The following ZEB2 variants were observed in gnomAD, a reference collection of about 807,000 sequenced individuals.
The protein encoded by ZEB2 is zinc finger E-box-binding homeobox 2.
ZEB2 carries 6 observed loss-of-function variants against 99.9 expected under a neutral mutation model. That is an observed-to-expected ratio of 0.06 (90% CI 0.03 to 0.12). The LOEUF is 0.12. ZEB2 is among the 10% of genes least tolerant of loss of function. ZEB2 has a pLI of 1.00. For synonymous variants in ZEB2, 517 were observed against 542.5 expected, an observed-to-expected ratio of 0.95 and a Z score of 0.65; for missense variants, 969 against 1,502.8, an observed-to-expected ratio of 0.64 and a Z score of 5.87.
At chr2:144,425,557 C>T (rs1703681286) in intron 3 of ZEB2, among the ~76,000 whole-genome samples, 1 of 152,084 alleles carries the variant, frequency 6.6e-6, no homozygotes. Context: ...ACATATATAA[C>T]AACAGCTCAG....
chr2:144,464,907 T>C (rs1004244900), intron 2 of ZEB2, among the ~76,000 whole-genome samples: 1 of 152,164 alleles, frequency 6.6e-6, no homozygotes, highest in Non-Finnish European at 1.5e-5. Context: ...GATAAATGTG[T>C]TTACCTTTGA....
intron 4 of ZEB2, among the ~76,000 whole-genome samples, chr2:144,406,662 A>G (rs1030498458): frequency 1.3e-5 from 2 of 152,220 alleles, no homozygotes; most frequent in African/African-American, 4.8e-5. Context: ...GAGCCAGGCC[A>G]TGCAGCAGGT....
chr2:144,389,789 G>T lies in ZEB2; in HGVS notation c.3307C>A (p.Pro1103Thr), dbSNP rs1338018838. Residue 1103 changes from proline to threonine, a missense_variant, in exon 10 of 10, where the codon CCC becomes ACC. Transcript: ENST00000627532. The surrounding 1 kb of genome is among the most constrained non-coding windows in gnomAD (Gnocchi z 6.8). The stretch of plus-strand genomic sequence containing the variant: ...GCCCGGTTCATCAGCAGCTCGGTGG[G>T]TTCCAAGTGCCCTTTCTCGCGCGCC... The part of the protein sequence containing the change: ...REAREKGHLE[P>T]TELLMNRAYL... 1.9e-6 allele frequency: 3 copies of T among 1,610,496 alleles called. No homozygotes were observed. The highest frequency in any genetic ancestry group is 2.2e-5 in the South Asian group (2 of 90,850).
chr2:144,427,217 G>A (rs932058607), intron 3 of ZEB2: 5 of 152,212 alleles, frequency 3.3e-5, no homozygotes, highest in Non-Finnish European at 7.3e-5. Flanking sequence ...ATTTAAGTCT[G>A]TGTCAATGAT....
Position 144,388,266 on chromosome 2 carries a change from A to C in ZEB2, c.*1185T>G, listed in dbSNP as rs1490577800. 1.3e-5 allele frequency: 2 copies of C among 152,570 alleles called. No homozygotes were observed. The highest frequency in any genetic ancestry group is 4.8e-5 in the African/African-American group (2 of 41,456). The allele number at this position is 152,570 out of a possible 1,614,324, so 9.5% of individuals were successfully genotyped here. On this transcript the variant is annotated 3_prime_UTR_variant, in exon 10 of 10. Coordinates refer to ENST00000627532, the MANE Select transcript of ZEB2 (RefSeq NM_014795.4). The surrounding 1 kb of genome is among the most constrained non-coding windows in gnomAD (Gnocchi z 5.4). Reference sequence around the variant, plus strand: ...TGGAATTTCCAGTAATTGGAAAAAAACAAAAATAAAATAATAAAATTGAAA... The same window carrying C: ...TGGAATTTCCAGTAATTGGAAAAAACCAAAAATAAAATAATAAAATTGAAA...
At chr2:144,401,745 G>C (rs914770498) in intron 6 of ZEB2, among the ~76,000 whole-genome samples, 2 of 151,934 alleles carry the variant, frequency 1.3e-5, no homozygotes, top group Non-Finnish European at 2.9e-5. Flanking sequence ...CACAACAAAA[G>C]TTATCAATTT....
chr2:144,388,697 C>T lies in ZEB2; in HGVS notation c.*754G>A, dbSNP rs1364476652. ...CACTGAAGCTGGTGCAAAGGTAACCCATGTTACCCTCTTAACACTGTACAA... is the reference window on the plus strand; with the variant it reads ...CACTGAAGCTGGTGCAAAGGTAACCTATGTTACCCTCTTAACACTGTACAA... On this transcript the variant is annotated 3_prime_UTR_variant, in exon 10 of 10. Coordinates refer to ENST00000627532, the MANE Select transcript of ZEB2 (RefSeq NM_014795.4). This position sits in a 1 kb window ranked among gnomAD's most constrained non-coding sequence, Gnocchi z 5.4. 4.3e-6 allele frequency: 1 copy of T among 231,556 alleles called. No individual in the cohort carries two copies. The highest frequency in any genetic ancestry group is 2.3e-5 in the African/African-American group (1 of 42,666). 14.3% of individuals were successfully genotyped at this position (231,556 alleles called of 1,614,324 possible).
At position 144,389,480 on chromosome 2, in the gene ZEB2, C is replaced by T. The variant is rs1573707475; in HGVS notation, c.3616G>A (p.Glu1206Lys). 6.2e-7 allele frequency: 1 copy of T among 1,614,050 alleles called. No individual in the cohort carries two copies. The highest frequency in any genetic ancestry group is 8.5e-7 in the Non-Finnish European group (1 of 1,180,014). The change falls in exon 10 of 10, where the codon GAG (glutamate) becomes AAG (lysine). Residue 1206 changes from glutamate to lysine, a missense_variant. Around this residue, in one of 8 missense-constraint regions of ZEB2, gnomAD observed 121 missense variants for 166.4 expected, o/e 0.73. Coordinates refer to ENST00000627532, the MANE Select transcript of ZEB2 (RefSeq NM_014795.4). This position sits in a 1 kb window ranked among gnomAD's most constrained non-coding sequence, Gnocchi z 6.8. ...ATGCCATCTTCCATATTGTCTTCCT[C>T]GTGGTCTGATTTGGTTTCCATTTTC... is the stretch of plus-strand genomic sequence containing the variant. ...DGKMETKSDH[E>K]EDNMEDGM
chr2:144,415,004 CTTTTTT>C (rs71404501), intron 4 of ZEB2, among the ~76,000 whole-genome samples: 1 of 140,382 alleles, frequency 7.1e-6, no homozygotes, highest in African/African-American at 2.6e-5. Context: ...TACTTTTTTT[CTTTTTT>C]TTTTTTAAAT....
intron 2 of ZEB2, among the ~76,000 whole-genome samples, chr2:144,488,992 A>G (rs1704638808): frequency 6.6e-6 from 1 of 152,196 alleles, no homozygotes; most frequent in Non-Finnish European, 1.5e-5. Context: ...ACTCAAAATA[A>G]TGTTTTTAAA....
chr2:144,395,815 G>T (rs1228341517), intron 9 of ZEB2, among the ~76,000 whole-genome samples: 1 of 152,106 alleles, frequency 6.6e-6, no homozygotes, highest in Non-Finnish European at 1.5e-5. Flanking sequence ...AGTAATGCAT[G>T]AATTGGAAAT....
intron 2 of ZEB2, among the ~76,000 whole-genome samples, chr2:144,432,575 C>T (rs563894359): frequency 2.6e-5 from 4 of 152,130 alleles, no homozygotes; most frequent in Non-Finnish European, 5.9e-5. Context: ...CTACCCCATG[C>T]CCCGACTTCT....
chr2:144,509,699 G>A (rs981201102), intron 2 of ZEB2, among the ~76,000 whole-genome samples: 3 of 152,144 alleles, frequency 2.0e-5, no homozygotes, highest in Admixed American at 2.0e-4. Context: ...TATCTCAAAA[G>A]TGGTTTCAGA....
intron 4 of ZEB2, among the ~76,000 whole-genome samples, chr2:144,416,289 C>T (rs550793786): frequency 6.6e-6 from 1 of 152,198 alleles, no homozygotes. Flanking sequence ...ACACTTGTAT[C>T]ATTCTTACCC....
chr2:144,432,090 A>G (rs1257989496), intron 2 of ZEB2, among the ~76,000 whole-genome samples: 1 of 152,082 alleles, frequency 6.6e-6, no homozygotes, highest in Non-Finnish European at 1.5e-5. Flanking sequence ...CTGCAGCAAT[A>G]CAATTGAAAT....
chr2:144,451,088 A>T (rs1573761590), intron 2 of ZEB2, among the ~76,000 whole-genome samples: 1 of 152,196 alleles, frequency 6.6e-6, no homozygotes, highest in African/African-American at 2.4e-5. Flanking sequence ...AAAGGAAGAG[A>T]TTGGGAAAAT....
At chr2:144,431,250 G>A (rs563867011) in intron 2 of ZEB2, among the ~76,000 whole-genome samples, 2 of 152,266 alleles carry the variant, frequency 1.3e-5, no homozygotes, top group African/African-American at 4.8e-5. Context: ...GGCAGAAAAG[G>A]AGGAAAAAAA....
intron 2 of ZEB2, among the ~76,000 whole-genome samples, chr2:144,443,165 G>A (rs983768024): frequency 3.9e-5 from 6 of 152,074 alleles, no homozygotes; most frequent in Admixed American, 1.3e-4. Flanking sequence ...AGTTAAAAAA[G>A]TATTTTAAAG....
chr2:144,517,687 C>G (rs754120714), intron 1 of ZEB2: 16 of 702,438 alleles, frequency 2.3e-5, no homozygotes, highest in South Asian at 1.5e-4. Flanking sequence ...AACTCCTGAC[C>G]GTATGAGGGA....
Sources: allele counts gnomAD v4.1 joint callset (sites outside exome capture counted in the v4.1 genomes callset), GRCh38; gene constraint gnomAD v4.1.1; regional missense constraint gnomAD v4.1.1; non-coding constraint Gnocchi (gnomAD v3.1); transcripts MANE v1.5; gene names NCBI Gene and HGNC (gene_info 2026-07-23, HGNC 2026-07-21).